The following LAMA2 variants were observed in gnomAD, a reference collection of about 807,000 sequenced individuals.
The protein encoded by LAMA2 is laminin subunit alpha 2, also known as laminin subunit alpha-2.
Under a neutral mutation model 364.8 loss-of-function variants are expected in LAMA2, and 269 were observed. That is an observed-to-expected ratio of 0.74 (90% CI 0.67 to 0.82). The LOEUF (loss-of-function observed/expected upper bound fraction) is 0.82, where lower values mean the gene tolerates loss of function less well. Among genes scored for constraint, LAMA2 ranks in the 40% least tolerant of loss-of-function variants. LAMA2 has a pLI of 0.00. For missense variants in LAMA2, 3,807 were observed against 3,873.2 expected, an observed-to-expected ratio of 0.98 and a Z score of 0.45; for synonymous variants, 1,379 against 1,370.6, an observed-to-expected ratio of 1.01 and a Z score of -0.14.
chr6:128,919,986 C>T (rs536942644), intron 1 of LAMA2, among the ~76,000 whole-genome samples: 15 of 152,204 alleles, frequency 9.9e-5, no homozygotes, highest in South Asian at 4.2e-4. Context: ...AGCCTCATCT[C>T]TCACCACTTT....
intron 40 of LAMA2, among the ~76,000 whole-genome samples, chr6:129,415,847 C>CA (rs1191034966): frequency 6.6e-6 from 1 of 150,896 alleles, no homozygotes; most frequent in Non-Finnish European, 1.5e-5. Flanking sequence ...CCTTATCTCA[C>CA]AAAAAAGAAA....
rs2114891707 is a variant in LAMA2, at chr6:129,503,272, TG to T, written c.8541del (p.Trp2847CysfsTer6). ...CCCCACCAAAATCAATGATGGCCAGTGGCACAAGGTAATAGTCCCCTGGATA... is the reference window on the plus strand; with the variant it reads ...CCCCACCAAAATCAATGATGGCCAGTGCACAAGGTAATAGTCCCCTGGATA... ...MIPTKINDGQ[W>X]HKIKIMRSKQ... On this transcript the variant is annotated frameshift_variant, in exon 60 of 65. Transcript: ENST00000421865. LOFTEE classifies it high-confidence loss of function. 6.2e-7 allele frequency: 1 copy of T among 1,613,418 alleles called. No individual in the cohort carries two copies.
chr6:129,126,734 A>C (rs1265979121), intron 4 of LAMA2, among the ~76,000 whole-genome samples: 1 of 152,204 alleles, frequency 6.6e-6, no homozygotes, highest in Non-Finnish European at 1.5e-5. Flanking sequence ...TTTATCCCTC[A>C]GATGTTATTT....
At chr6:129,301,787 T>A (rs114399854) in intron 22 of LAMA2, among the ~76,000 whole-genome samples, 3 of 152,082 alleles carry the variant, frequency 2.0e-5, no homozygotes, top group African/African-American at 7.2e-5. Context: ...TTGTGCCCCA[T>A]TGCAGTGAAG....
chr6:129,276,921 G>C (rs1788366727), intron 17 of LAMA2, among the ~76,000 whole-genome samples: 1 of 151,672 alleles, frequency 6.6e-6, no homozygotes, highest in Admixed American at 6.6e-5. Context: ...ATAGATTGTT[G>C]ACATAGTCAC....
chr6:129,465,342 T>A (rs149744355), intron 51 of LAMA2, 53 bp downstream of exon 51: 20 of 1,422,868 alleles, frequency 1.4e-5, no homozygotes, highest in African/African-American at 9.8e-5. Context: ...AAATCCAAAG[T>A]GCACATGTAC....
intron 18 of LAMA2, among the ~76,000 whole-genome samples, chr6:129,283,993 AG>A (rs997174110): frequency 1.3e-5 from 2 of 152,112 alleles, no homozygotes; most frequent in African/African-American, 4.8e-5. Flanking sequence ...CACTCAGGGA[AG>A]GGGAAGATTG....
chr6:129,411,822 C>A (rs1780553619), intron 40 of LAMA2, among the ~76,000 whole-genome samples: 1 of 151,510 alleles, frequency 6.6e-6, no homozygotes, highest in Admixed American at 6.6e-5. Flanking sequence ...CAAAAGTGAA[C>A]AAAAAGATAG....
At position 129,104,196 on chromosome 6, in the gene LAMA2, CTA is replaced by C. The variant is rs555451488; in HGVS notation, c.639+5783_639+5784del. 2.6e-3 allele frequency among the ~76,000 whole-genome samples: 390 copies of C among 152,188 alleles called. 2 individuals are homozygous for C. The highest frequency in any genetic ancestry group is 4.7e-3 in the Non-Finnish European group (320 of 67,998). ...ATTTTTTTGTAGAGACAGGGTCTTGCTATGTTGCCCAGGCCGTTCTCAAACTC... is the reference window on the plus strand; with the variant it reads ...ATTTTTTTGTAGAGACAGGGTCTTGCTGTTGCCCAGGCCGTTCTCAAACTC... On this transcript the variant is annotated intron_variant, in intron 4 of 64. Coordinates refer to ENST00000421865, the MANE Select transcript of LAMA2 (RefSeq NM_000426.4).
At chr6:128,903,316 G>C (rs921048804) in intron 1 of LAMA2, among the ~76,000 whole-genome samples, 1 of 152,112 alleles carries the variant, frequency 6.6e-6, no homozygotes, top group Non-Finnish European at 1.5e-5. Context: ...GTGGGTTCCA[G>C]AATCGTTGAC....
At chr6:129,106,498 A>C (rs1171638053) in intron 4 of LAMA2, among the ~76,000 whole-genome samples, 2 of 152,108 alleles carry the variant, frequency 1.3e-5, no homozygotes, top group African/African-American at 4.8e-5. Flanking sequence ...ACTAATTTGT[A>C]TTGGTTTTCA....
chr6:129,393,933 C>T (rs1039066484), intron 37 of LAMA2, among the ~76,000 whole-genome samples: 1 of 152,176 alleles, frequency 6.6e-6, no homozygotes, highest in East Asian at 1.9e-4. Context: ...TTATTTTCTC[C>T]TCCTTTTCCA....
chr6:128,921,723 A>G (rs948451277), intron 1 of LAMA2, among the ~76,000 whole-genome samples: 15 of 124,532 alleles, frequency 1.2e-4, no homozygotes, highest in Middle Eastern at 3.9e-3. Context: ...TATTATTATT[A>G]TACTTTAAGT....
intron 58 of LAMA2, among the ~76,000 whole-genome samples, chr6:129,497,175 A>G (rs1420125885): frequency 1.3e-5 from 2 of 152,160 alleles, no homozygotes; most frequent in Non-Finnish European, 2.9e-5. Context: ...ATACATTGTA[A>G]TGATGTGGTT....
At chr6:129,488,880 C>T (rs1213252951) in intron 56 of LAMA2, among the ~76,000 whole-genome samples, 1 of 152,172 alleles carries the variant, frequency 6.6e-6, no homozygotes, top group East Asian at 1.9e-4. Flanking sequence ...ATTTGTGTCA[C>T]ATACTAGACA....
chr6:129,254,950 A>G (rs960437489), intron 14 of LAMA2, among the ~76,000 whole-genome samples: 2 of 152,110 alleles, frequency 1.3e-5, no homozygotes, highest in African/African-American at 4.8e-5. Context: ...AATCTCATCT[A>G]TAGGGGATAT....
chr6:129,463,207 C>T (rs994838590), intron 49 of LAMA2, among the ~76,000 whole-genome samples: 9 of 151,850 alleles, frequency 5.9e-5, no homozygotes, highest in Admixed American at 2.6e-4. Context: ...CATCAAGGTT[C>T]AAAAGAGAAA....
intron 11 of LAMA2, among the ~76,000 whole-genome samples, chr6:129,192,174 T>C (rs1489807366): frequency 3.3e-5 from 5 of 152,212 alleles, no homozygotes; most frequent in African/African-American, 1.2e-4. Context: ...AAATACTGAA[T>C]GAAACACCAC....
chr6:129,327,263 G>A (rs981549323), intron 28 of LAMA2, among the ~76,000 whole-genome samples: 3 of 152,090 alleles, frequency 2.0e-5, no homozygotes, highest in African/African-American at 7.2e-5. Context: ...TTTTTAAGGA[G>A]CTTCTTTGTA....
Sources: allele counts gnomAD v4.1 joint callset (sites outside exome capture counted in the v4.1 genomes callset), GRCh38; gene constraint gnomAD v4.1.1; transcripts MANE v1.5; gene names NCBI Gene and HGNC (gene_info 2026-07-23, HGNC 2026-07-21).